The following IMMP1L variants were observed in gnomAD, a reference collection of about 807,000 sequenced individuals.
IMMP1L encodes inner mitochondrial membrane peptidase subunit 1.
In IMMP1L, 24 loss-of-function variants were observed where a neutral mutation model predicts 21.8. The observed-to-expected ratio is 1.10, with a 90% CI of 0.80 to 1.55. IMMP1L has a LOEUF of 1.55. IMMP1L is among the 40% of genes most tolerant of loss of function. The probability of loss-of-function intolerance (pLI) is 0.00; values close to 1 mark genes in which losing one functional copy is unlikely to be tolerated. For missense variants in IMMP1L, 195 were observed against 200.7 expected, an observed-to-expected ratio of 0.97 and a Z score of 0.17; for synonymous variants, 46 against 62.8, an observed-to-expected ratio of 0.73 and a Z score of 1.26.
chr11:31,458,925 T>C (rs934207573), intron 3 of IMMP1L, among the ~76,000 whole-genome samples: 3 of 152,154 alleles, frequency 2.0e-5, no homozygotes, highest in Non-Finnish European at 4.4e-5. Flanking sequence ...CAAGTTCATC[T>C]CCTCATTCAG....
chr11:31,442,537 C>A (rs1320486255), intron 4 of IMMP1L, among the ~76,000 whole-genome samples: 1 of 152,144 alleles, frequency 6.6e-6, no homozygotes, highest in Non-Finnish European at 1.5e-5. Flanking sequence ...GTTTCAAAAA[C>A]CAGAAAATCC....
chr11:31,456,469 G>C, intron 3 of IMMP1L, 83 bp from the exon 4 acceptor site: 1 of 1,098,872 alleles, frequency 9.1e-7, no homozygotes, highest in Non-Finnish European at 1.3e-6. Flanking sequence ...ACTTTTATAA[G>C]ACAACTTAAA....
chr11:31,481,998 T>C (rs1350957077), intron 1 of IMMP1L, among the ~76,000 whole-genome samples: 2 of 152,008 alleles, frequency 1.3e-5, no homozygotes, highest in African/African-American at 4.8e-5. Flanking sequence ...CCCAAATTCC[T>C]CCCTTAATAC....
intron 4 of IMMP1L, among the ~76,000 whole-genome samples, chr11:31,438,635 C>T (rs990891940): frequency 2.0e-5 from 3 of 152,042 alleles, no homozygotes; most frequent in African/African-American, 4.8e-5. Flanking sequence ...ATAGCTTTAG[C>T]TTTGATTAGG....
chr11:31,433,220 A>G (rs117848552), intron 5 of IMMP1L, among the ~76,000 whole-genome samples: 4,136 of 152,238 alleles, frequency 0.027, 87 homozygotes, highest in Non-Finnish European at 0.037. Context: ...TGGAAATTCA[A>G]ATTAAAGTTT....
intron 4 of IMMP1L, among the ~76,000 whole-genome samples, chr11:31,451,215 T>A (rs1194647224): frequency 6.6e-6 from 1 of 152,106 alleles, no homozygotes; most frequent in African/African-American, 2.4e-5. Flanking sequence ...GGGGAGCCAC[T>A]GGGGTCTTTA....
At chr11:31,456,425 T>C (rs769495453) in intron 3 of IMMP1L, 39 bp from the exon 4 acceptor site, 21 of 1,578,064 alleles carry the variant, frequency 1.3e-5, no homozygotes, top group Non-Finnish European at 1.8e-5. Context: ...GTATTATTTA[T>C]TAAGCAAAAA....
At chr11:31,469,929 A>G (rs575699591) in intron 1 of IMMP1L, 1 of 152,358 alleles carries the variant, frequency 6.6e-6, no homozygotes, top group Admixed American at 6.5e-5. Context: ...GAATAAAATA[A>G]AATGGCATTT....
Position 31,507,715 on chromosome 11 carries a change from T to A in IMMP1L, c.-30+1804A>T, listed in dbSNP as rs533868249. ...TCAAAGATACATAATATCAGTTAGATAGGAGGAATAAATTTCAAGAAATCT... is the reference window on the plus strand; with the variant it reads ...TCAAAGATACATAATATCAGTTAGAAAGGAGGAATAAATTTCAAGAAATCT... On this transcript the variant is annotated intron_variant, in intron 1 of 5. Coordinates refer to ENST00000532287, the MANE Select transcript of IMMP1L (RefSeq NM_001304274.2). 4.9e-4 allele frequency among the ~76,000 whole-genome samples: 75 copies of A among 152,162 alleles called. 1 individual carries two copies. The highest frequency in any genetic ancestry group is 9.3e-4 in the Non-Finnish European group (63 of 67,986).
intron 1 of IMMP1L, among the ~76,000 whole-genome samples, chr11:31,490,190 A>ACATTGTAATGCACTTTG (rs1364151150): frequency 6.6e-6 from 1 of 152,174 alleles, no homozygotes; most frequent in African/African-American, 2.4e-5. Flanking sequence ...TGCACTATCC[A>ACATTGTAATGCACTTTG]CATTAAAAAG....
chr11:31,509,379 T>A (rs949163531), intron 1 of IMMP1L, 140 bp downstream of exon 1: 2 of 174,196 alleles, frequency 1.1e-5, no homozygotes, highest in Non-Finnish European at 2.5e-5. Flanking sequence ...AGGAAAAAAG[T>A]CTATCCTCAC....
chr11:31,463,339 T>G, intron 1 of IMMP1L, 34 bp from the exon 2 acceptor site: 1 of 1,534,238 alleles, frequency 6.5e-7, no homozygotes, highest in Non-Finnish European at 8.7e-7. Flanking sequence ...TCATGATCAA[T>G]ACTATTTAAA....
intron 1 of IMMP1L, among the ~76,000 whole-genome samples, chr11:31,472,483 T>C (rs1331383685): frequency 6.6e-6 from 1 of 152,236 alleles, no homozygotes; most frequent in East Asian, 1.9e-4. Context: ...ATTTATCCAG[T>C]CATTTACTAC....
At chr11:31,459,952 T>A (rs1164720537) in intron 3 of IMMP1L, among the ~76,000 whole-genome samples, 1 of 144,832 alleles carries the variant, frequency 6.9e-6, no homozygotes, top group Non-Finnish European at 1.5e-5. Context: ...AGCTCAGGAG[T>A]TTGAGACCAG....
At chr11:31,458,335 C>T (rs1954014862) in intron 3 of IMMP1L, among the ~76,000 whole-genome samples, 1 of 152,112 alleles carries the variant, frequency 6.6e-6, no homozygotes, top group African/African-American at 2.4e-5. Context: ...TTCTACTACA[C>T]AGTAAGCTTT....
At chr11:31,485,439 T>C (rs1007747056) in intron 1 of IMMP1L, among the ~76,000 whole-genome samples, 2 of 151,882 alleles carry the variant, frequency 1.3e-5, no homozygotes, top group African/African-American at 4.8e-5. Context: ...ATGTTGCATA[T>C]ATATTAGACA....
chr11:31,457,397 C>T (rs947144365), intron 3 of IMMP1L, among the ~76,000 whole-genome samples: 16 of 152,114 alleles, frequency 1.1e-4, no homozygotes, highest in African/African-American at 3.9e-4. Flanking sequence ...GAACACAATA[C>T]TCTTTCTGCA....
intron 4 of IMMP1L, among the ~76,000 whole-genome samples, chr11:31,437,781 A>G (rs1953176187): frequency 6.6e-6 from 1 of 152,140 alleles, no homozygotes; most frequent in African/African-American, 2.4e-5. Context: ...CCAGTCAACG[A>G]GTGAACTGCT....
At chr11:31,465,369 C>T (rs923620716) in intron 1 of IMMP1L, among the ~76,000 whole-genome samples, 2 of 152,038 alleles carry the variant, frequency 1.3e-5, no homozygotes, top group Non-Finnish European at 2.9e-5. Context: ...TTCAAATGAC[C>T]ATACTACCCA....
Sources: gnomAD v4.1 joint callset for allele counts (sites outside exome capture counted in the v4.1 genomes callset) on GRCh38, gnomAD v4.1.1 for gene constraint, MANE v1.5 for transcripts, NCBI Gene and HGNC (gene_info 2026-07-23, HGNC 2026-07-21) for gene names.